HDGF: variants seen among roughly 807,000 people sequenced by gnomAD.
HDGF encodes heparin binding growth factor.
HDGF carries 5 observed loss-of-function variants against 30.0 expected under a neutral mutation model. The ratio of observed to expected loss-of-function variants is 0.17; its 90% CI spans 0.09 to 0.35. The LOEUF (loss-of-function observed/expected upper bound fraction) is 0.35, where lower values mean the gene tolerates loss of function less well. HDGF is among the 10% of genes least tolerant of loss of function. HDGF has a pLI of 1.00. For missense variants in HDGF, 214 were observed against 302.8 expected (o/e 0.71, Z 2.18); for synonymous variants, 133 against 112.7 (o/e 1.18, Z -1.14).
chr1:156,767,298 A>G (rs1651417579), upstream of HDGF, among the ~76,000 whole-genome samples: 1 of 152,062 alleles, frequency 6.6e-6, no homozygotes, highest in Non-Finnish European at 1.5e-5. Context: ...TGGGGCTTGT[A>G]GTCACCTCGG....
upstream of HDGF, chr1:156,751,904 A>G (rs1651009540): frequency 5.9e-6 from 6 of 1,012,286 alleles, no homozygotes; most frequent in South Asian, 7.0e-5. The surrounding 1 kb of genome is among the most constrained non-coding windows in gnomAD (Gnocchi z 4.7). Context: ...CACAGGCATA[A>G]GGAGCCGATC....
In HDGF at chr1:156,743,772, C is replaced by G. The variant is rs1467667101; in HGVS notation, c.596G>C (p.Ser199Thr). ...RPLPMEVEKN[S>T]TPSEPGSGRG... ...GCCAGAGCCGGGCTCAGAGGGGGTGCTATTCTTTTCCACCTCCATAGGAAG... is the reference window on the plus strand; with the variant it reads ...GCCAGAGCCGGGCTCAGAGGGGGTGGTATTCTTTTCCACCTCCATAGGAAG... The change falls in exon 5 of 6, where the codon AGC (serine) becomes ACC (threonine). Residue 199 changes from serine to threonine, a missense_variant. Ser to Thr is a moderately conservative substitution (Grantham distance 58, BLOSUM62 1). Coordinates refer to ENST00000357325, the MANE Select transcript of HDGF (RefSeq NM_004494.3). 6.2e-7 allele frequency: 1 copy of G among 1,602,270 alleles called. No homozygotes were observed. The highest frequency in any genetic ancestry group is 8.5e-7 in the Non-Finnish European group (1 of 1,174,290).
At chr1:156,758,158 C>T (rs147610752) in intron 2 of HDGF, among the ~76,000 whole-genome samples, 15,756 of 151,832 alleles carry the variant, frequency 0.1, 1,038 homozygotes, top group African/African-American at 0.18. Flanking sequence ...ATTAGCTGGG[C>T]GTGGTGGCGC....
chr1:156,756,822 T>G (rs1651161274), upstream of HDGF, among the ~76,000 whole-genome samples: 1 of 143,518 alleles, frequency 7.0e-6, no homozygotes, highest in Non-Finnish European at 1.5e-5. Context: ...TGAGATAGAG[T>G]CTCACTCTGT....
intron 1 of HDGF, among the ~76,000 whole-genome samples, chr1:156,750,167 C>G (rs1165875129): frequency 6.6e-6 from 1 of 152,110 alleles, no homozygotes; most frequent in African/African-American, 2.4e-5. Context: ...AAGCCTGGGC[C>G]AGACAGACAC....
chr1:156,752,006 C>T (rs1454615002), upstream of HDGF: 2 of 1,545,436 alleles, frequency 1.3e-6, no homozygotes, highest in Non-Finnish European at 1.8e-6. Context: ...GGAGCGGCCC[C>T]CGCCCTTCCC....
At chr1:156,762,872 CA>C (rs148807506) in intron 1 of HDGF, among the ~76,000 whole-genome samples, 31,547 of 135,082 alleles carry the variant, frequency 0.23, 3,399 homozygotes, top group South Asian at 0.33. Flanking sequence ...AACTCCGTCT[CA>C]AAAAAAAAAA....
intron 1 of HDGF, among the ~76,000 whole-genome samples, chr1:156,762,529 A>G (rs1404430514): frequency 1.3e-5 from 2 of 152,110 alleles, no homozygotes; most frequent in African/African-American, 4.8e-5. Context: ...GGGCTAGAAA[A>G]GCCACTTTGT....
Position 156,758,596 on chromosome 1 carries a change from A to AAAAAAAT in HDGF, n.373+386_373+387insATTTTTT, listed in dbSNP as rs1558039713. On this transcript the variant is annotated intron_variant and non_coding_transcript_variant, in intron 2 of 7. Coordinates refer to the HDGF transcript ENST00000465180. ...TGACAGAGCGAGACTCCGTCTCAAAAAAAAAAATAAATAAATAAATAAATA... is the reference window on the plus strand; with the variant it reads ...TGACAGAGCGAGACTCCGTCTCAAAAAAAAAATAAAAAAATAAATAAATAAATAAATA... Among the ~76,000 whole-genome samples the AAAAAAAT allele has an allele frequency of 2.5e-4, 24 of 94,228 alleles. 3 individuals carry two copies. Among genetic ancestry groups the AAAAAAAT allele is most frequent in the African/African-American group, 7.9e-4 (22 of 27,856 alleles). The allele number at this position is 94,228 out of a possible 152,430, so 61.8% of individuals were successfully genotyped here. A position where few individuals can be genotyped will look rare whatever the true frequency, so the allele number is the denominator to read the frequency against.
At chr1:156,749,876 C>A (rs1390625328) in intron 1 of HDGF, among the ~76,000 whole-genome samples, 3 of 152,240 alleles carry the variant, frequency 2.0e-5, no homozygotes, top group African/African-American at 7.2e-5. Flanking sequence ...GGGTTCAGTT[C>A]TTGTCCTACC....
At chr1:156,751,957 G>T, upstream of HDGF, 2 of 1,338,740 alleles carry the variant, frequency 1.5e-6, no homozygotes, top group Non-Finnish European at 1.0e-6. This position sits in a 1 kb window ranked among gnomAD's most constrained non-coding sequence, Gnocchi z 4.7. Context: ...CGGTCGGTGG[G>T]TGCCCGCCCG....
Position 156,744,158 on chromosome 1 carries a change from G to A in HDGF, c.489+5C>T, listed in dbSNP as rs1650339638. On this transcript the variant is annotated splice_donor_5th_base_variant and intron_variant, in intron 4 of 5. Transcript: ENST00000357325. ...GGGCCCAGGCCCTGGGCAGGCAGCA[G>A]TTACCTCCAGCAAGTCCCCTGCTCT... The A allele has an allele frequency of 6.2e-7, 1 of 1,613,584 alleles. No individual in the cohort carries two copies. Among genetic ancestry groups the A allele is most frequent in the Admixed American group, 1.7e-5 (1 of 59,994 alleles).
At position 156,745,059 on chromosome 1, in the gene HDGF, C is replaced by T; in HGVS notation, c.252G>A (p.Glu84=). The change falls in exon 3 of 6, where the codon GAG becomes GAA. Residue 84 remains glutamate (E), a synonymous_variant. Transcript: ENST00000357325. ...GKPNKRKGFS[E]GLWEIENNPT... ...GGTTGTTCTCGATCTCCCACAGCCC[C>T]TCGCTGAACCCTTTCCTCTTGTTGG... 6.2e-7 allele frequency: 1 copy of T among 1,614,094 alleles called. No homozygotes were observed. The highest frequency in any genetic ancestry group is 1.1e-5 in the South Asian group (1 of 91,090).
chr1:156,757,196 T>G (rs993308973), upstream of HDGF, among the ~76,000 whole-genome samples: 10 of 151,572 alleles, frequency 6.6e-5, no homozygotes, highest in African/African-American at 1.7e-4. Context: ...CCGGATGTGG[T>G]GGCTCACGCC....
At chr1:156,755,826 T>C (rs1571560157), upstream of HDGF, among the ~76,000 whole-genome samples, 1 of 152,188 alleles carries the variant, frequency 6.6e-6, no homozygotes, top group African/African-American at 2.4e-5. Flanking sequence ...GCTGTAGAGA[T>C]AACAGTCTGA....
upstream of HDGF, chr1:156,751,952 G>A: frequency 7.9e-7 from 1 of 1,263,382 alleles, no homozygotes; most frequent in Non-Finnish European, 1.1e-6. This position sits in a 1 kb window ranked among gnomAD's most constrained non-coding sequence, Gnocchi z 4.7. Flanking sequence ...GCCCGCGGTC[G>A]GTGGGTGCCC....
At chr1:156,749,187 C>T (rs916722393) in intron 1 of HDGF, among the ~76,000 whole-genome samples, 2 of 152,182 alleles carry the variant, frequency 1.3e-5, no homozygotes, top group Non-Finnish European at 2.9e-5. Context: ...CCCAGAATCA[C>T]CCACCCTCCC....
chr1:156,765,845 ACGTTGGGGAAC>A (rs1326485050), intron 1 of HDGF, among the ~76,000 whole-genome samples: 3 of 152,192 alleles, frequency 2.0e-5, no homozygotes, highest in African/African-American at 7.2e-5. Context: ...ACCAGAGAGT[ACGTTGGGGAAC>A]CTAGATTTGA....
chr1:156,751,750 T>A, upstream of HDGF: 7 of 863,382 alleles, frequency 8.1e-6, no homozygotes, highest in East Asian at 3.3e-4. This position sits in a 1 kb window ranked among gnomAD's most constrained non-coding sequence, Gnocchi z 4.7. Flanking sequence ...TCCTCCTCCC[T>A]CCTCCCGGAC....
Sources: gnomAD v4.1 joint callset for allele counts (sites outside exome capture counted in the v4.1 genomes callset) on GRCh38, gnomAD v4.1.1 for gene constraint, Gnocchi (gnomAD v3.1) non-coding constraint, MANE v1.5 for transcripts, NCBI Gene and HGNC (gene_info 2026-07-23, HGNC 2026-07-21) for gene names.